COL4A1: variants seen among roughly 807,000 people sequenced by gnomAD.
COL4A1 encodes collagen type IV alpha 1 chain, also known as collagen alpha-1(IV) chain.
Under a neutral mutation model 216.6 loss-of-function variants are expected in COL4A1, and 40 were observed. That is an observed-to-expected ratio of 0.18 (90% CI 0.14 to 0.24). The LOEUF (loss-of-function observed/expected upper bound fraction) is 0.24. COL4A1 is among the 10% of genes least tolerant of loss of function. COL4A1 has a pLI of 1.00. For missense variants in COL4A1, 1,628 were observed against 2,196.8 expected, an observed-to-expected ratio of 0.74 and a Z score of 5.18; for synonymous variants, 839 against 810.7, an observed-to-expected ratio of 1.03 and a Z score of -0.59.
intron 49 of COL4A1, among the ~76,000 whole-genome samples, chr13:110,156,025 C>T (rs999351990): frequency 2.0e-5 from 3 of 152,190 alleles, no homozygotes; most frequent in African/African-American, 4.8e-5. Context: ...CTCGGCCTGC[C>T]TGTGGGCCAC....
Position 110,178,088 on chromosome 13 carries a change from C to A in COL4A1, c.2602G>T (p.Ala868Ser), listed in dbSNP as rs1188853759. Residue 868 changes from alanine (A) to serine (S), a missense_variant, in exon 32 of 52, where the codon GCT (alanine) becomes TCT (serine). Physicochemically the swap from Ala to Ser is moderately conservative, Grantham distance 99. Around this residue, in one of 8 missense-constraint regions of COL4A1, gnomAD observed 701 missense variants for 892.5 expected, o/e 0.79. Transcript: ENST00000375820. ...GLPGLPGQQG[A>S]PGIPGFPGSK... Reference sequence around the variant, plus strand: ...CCTGGAAACCCAGGAATCCCAGGAGCCCCCTGCTGTCCAGGAAGGCCAGGG... The same window carrying A: ...CCTGGAAACCCAGGAATCCCAGGAGACCCCTGCTGTCCAGGAAGGCCAGGG... 1 of 1,614,022 alleles carries A rather than the reference C, an allele frequency of 6.2e-7. No homozygotes were observed. Among genetic ancestry groups the A allele is most frequent in the African/African-American group, 1.3e-5 (1 of 74,922 alleles).
intron 23 of COL4A1, among the ~76,000 whole-genome samples, chr13:110,192,547 G>A (rs1878684673): frequency 6.6e-6 from 1 of 152,088 alleles, no homozygotes; most frequent in South Asian, 2.1e-4. Flanking sequence ...ACCACTTAAA[G>A]GAAAAACATG....
At chr13:110,219,671 T>TGTGTAA in intron 2 of COL4A1, among the ~76,000 whole-genome samples, 1 of 77,708 alleles carries the variant, frequency 1.3e-5, no homozygotes, top group Non-Finnish European at 2.7e-5. Flanking sequence ...TGTATATATA[T>TGTGTAA]ATATATGTGT....
intron 2 of COL4A1, among the ~76,000 whole-genome samples, chr13:110,224,262 A>G (rs944722904): frequency 2.0e-5 from 3 of 152,214 alleles, no homozygotes; most frequent in African/African-American, 7.2e-5. Context: ...CTGCAGGAAC[A>G]TAAATAATTG....
chr13:110,248,296 A>G (rs1297195016), intron 1 of COL4A1, among the ~76,000 whole-genome samples: 2 of 152,208 alleles, frequency 1.3e-5, no homozygotes, highest in African/African-American at 4.8e-5. Context: ...CGCGGGCCCC[A>G]CACGCTCCCG....
rs537281845 is a variant in COL4A1 at position 110,209,667 on chromosome 13, C to T, written c.616-240G>A. 5.3e-5 allele frequency among the ~76,000 whole-genome samples: 8 copies of T among 152,330 alleles called. No homozygotes were observed. In the East Asian group the frequency reaches 1.5e-3, roughly 29 times the overall value. On this transcript the variant is annotated intron_variant, in intron 10 of 51. Transcript: ENST00000375820. ...TGAAGTCACCTGGGGCACAGCCTGTCTGTCCATCTTTGAACTCACTCCCAC... is the reference window on the plus strand; with the variant it reads ...TGAAGTCACCTGGGGCACAGCCTGTTTGTCCATCTTTGAACTCACTCCCAC...
At chr13:110,284,666 T>G (rs979599993) in intron 1 of COL4A1, among the ~76,000 whole-genome samples, 1 of 152,184 alleles carries the variant, frequency 6.6e-6, no homozygotes, top group Non-Finnish European at 1.5e-5. Flanking sequence ...CTTCTTTTTG[T>G]AAAAGGCCTT....
At chr13:110,267,790 C>T (rs1037747010) in intron 1 of COL4A1, among the ~76,000 whole-genome samples, 1 of 152,126 alleles carries the variant, frequency 6.6e-6, no homozygotes, top group Non-Finnish European at 1.5e-5. Context: ...CAAAATAAGA[C>T]ACACAATACA....
intron 49 of COL4A1, among the ~76,000 whole-genome samples, chr13:110,160,482 A>G (rs1391591788): frequency 1.3e-5 from 2 of 150,888 alleles, no homozygotes; most frequent in Non-Finnish European, 3.0e-5. Flanking sequence ...AGGGGCAGGG[A>G]TGATTCAGAA....
intron 1 of COL4A1, among the ~76,000 whole-genome samples, chr13:110,282,921 T>A (rs1883692476): frequency 6.6e-6 from 1 of 152,238 alleles, no homozygotes; most frequent in African/African-American, 2.4e-5. Context: ...CATTGCCCTC[T>A]CCAATCTTCC....
intron 2 of COL4A1, among the ~76,000 whole-genome samples, chr13:110,237,569 A>G (rs972537484): frequency 1.3e-5 from 2 of 152,200 alleles, no homozygotes; most frequent in Non-Finnish European, 2.9e-5. Flanking sequence ...ACCAAGTGGA[A>G]AAAGCCCGGG....
At chr13:110,205,627 C>A in intron 15 of COL4A1, 89 bp from the exon 16 acceptor site, 1 of 1,422,998 alleles carries the variant, frequency 7.0e-7, no homozygotes, top group Non-Finnish European at 9.9e-7. Flanking sequence ...CTTTGGGAGG[C>A]CGAGGTGGGT....
rs1884762470 is a variant in COL4A1, at chr13:110,307,022, C to T, written c.6G>A (p.Gly2=). The part of the protein sequence containing the change: M[G]PRLSVWLLLL... ...GCAGCAGCCAGACGCTGAGCCGGGG[C>T]CCCATGGTGGCGCGCCCGAGGCGGC... The change falls in exon 1 of 52, where the codon GGG becomes GGA. Residue 2 remains glycine, a synonymous_variant. Coordinates refer to ENST00000375820, the MANE Select transcript of COL4A1 (RefSeq NM_001845.6). The surrounding 1 kb of genome is among the most constrained non-coding windows in gnomAD (Gnocchi z 5.0). 1 of 1,464,428 alleles carries T rather than the reference C, an allele frequency of 6.8e-7. No homozygotes were observed. The highest frequency in any genetic ancestry group is 1.3e-5 in the South Asian group (1 of 76,192). The allele number at this position is 1,464,428 out of a possible 1,614,324, so 90.7% of individuals were successfully genotyped here.
chr13:110,205,823 A>C (rs1309104533), intron 15 of COL4A1, among the ~76,000 whole-genome samples: 1 of 152,020 alleles, frequency 6.6e-6, no homozygotes, highest in East Asian at 1.9e-4. Context: ...AGATCACACC[A>C]TTGCACTCCA....
At chr13:110,274,885 C>G (rs1161730745) in intron 1 of COL4A1, among the ~76,000 whole-genome samples, 1 of 152,218 alleles carries the variant, frequency 6.6e-6, no homozygotes, top group Non-Finnish European at 1.5e-5. Flanking sequence ...GATGGCAGCA[C>G]TGAGGGACTT....
At chr13:110,244,942 G>A (rs1306418820) in intron 1 of COL4A1, among the ~76,000 whole-genome samples, 1 of 152,194 alleles carries the variant, frequency 6.6e-6, no homozygotes, top group Non-Finnish European at 1.5e-5. Flanking sequence ...GCACATCTTA[G>A]AATTGATGAA....
intron 2 of COL4A1, among the ~76,000 whole-genome samples, chr13:110,240,589 C>T (rs3783099): frequency 0.46 from 69,565 of 152,234 alleles, 16,680 homozygotes; most frequent in Middle Eastern, 0.58. Context: ...AGGGGGCCAC[C>T]CCCAGCAAGG....
Position 110,152,497 on chromosome 13 carries a change from C to G in COL4A1, c.4765G>C (p.Ala1589Pro). The change falls in exon 51 of 52, where the codon GCT (alanine) becomes CCT (proline). Residue 1589 changes from alanine (A) to proline (P), a missense_variant. Ala to Pro is a conservative substitution (Grantham distance 27). Transcript: ENST00000375820. ...GCTTGGCCAGAGCCTTCTGCACCAG[C>G]GCTGGTGTGCTGCAGAACAGATGCG... ...IGYSFVMHTSAGAEGSGQALA... is the reference protein window; with the variant it reads ...IGYSFVMHTSPGAEGSGQALA... 6.2e-7 allele frequency: 1 copy of G among 1,611,872 alleles called. No homozygotes were observed. Among genetic ancestry groups the G allele is most frequent in the Non-Finnish European group, 8.5e-7 (1 of 1,179,766 alleles).
intron 1 of COL4A1, among the ~76,000 whole-genome samples, chr13:110,253,356 ATGT>A (rs1882302754): frequency 2.1e-5 from 1 of 47,620 alleles, no homozygotes; most frequent in Non-Finnish European, 3.6e-5. Flanking sequence ...ATATAATTAT[ATGT>A]ATTACATATA....
Sources: allele counts gnomAD v4.1 joint callset (sites outside exome capture counted in the v4.1 genomes callset), GRCh38; gene constraint gnomAD v4.1.1; regional missense constraint gnomAD v4.1.1; non-coding constraint Gnocchi (gnomAD v3.1); transcripts MANE v1.5; gene names NCBI Gene and HGNC (gene_info 2026-07-23, HGNC 2026-07-21).